TBCEL: variants seen among roughly 807,000 people sequenced by gnomAD.
The protein encoded by TBCEL is tubulin-specific chaperone cofactor E-like protein.
In TBCEL, 15 loss-of-function variants were observed where a neutral mutation model predicts 44.2. That is an observed-to-expected ratio of 0.34 (90% confidence interval 0.23 to 0.52). The LOEUF (loss-of-function observed/expected upper bound fraction) is 0.52, where lower values mean the gene tolerates loss of function less well. Ranked by LOEUF, TBCEL falls within the 20% of genes least tolerant of loss-of-function variation. The pLI is 0.95. For synonymous variants in TBCEL, 171 were observed against 185.4 expected, an observed-to-expected ratio of 0.92 and a Z score of 0.63; for missense variants, 319 against 506.3, an observed-to-expected ratio of 0.63 and a Z score of 3.55.
At chr11:121,079,600 A>G (rs545837930) in intron 8 of TBCEL, among the ~76,000 whole-genome samples, 176 of 152,298 alleles carry the variant, frequency 1.2e-3, no homozygotes, top group African/African-American at 4.2e-3. Context: ...TGTGATGCTT[A>G]TGTGTTTTAA....
At chr11:121,040,639 T>C (rs1405703844) in intron 2 of TBCEL, among the ~76,000 whole-genome samples, 2 of 152,118 alleles carry the variant, frequency 1.3e-5, no homozygotes, top group Non-Finnish European at 2.9e-5. Flanking sequence ...CCCAGTTTCT[T>C]CAAAATTAAT....
At chr11:121,041,402 ATAT>A (rs1287061485) in intron 2 of TBCEL, among the ~76,000 whole-genome samples, 3 of 152,138 alleles carry the variant, frequency 2.0e-5, no homozygotes, top group African/African-American at 7.2e-5. Context: ...TTACAAGAGT[ATAT>A]TATAGTCAGG....
chr11:121,038,652 T>C (rs375857594), intron 2 of TBCEL, among the ~76,000 whole-genome samples: 1 of 152,166 alleles, frequency 6.6e-6, no homozygotes, highest in Non-Finnish European at 1.5e-5. Context: ...TCTTTGAAGA[T>C]AGCTGGGAGA....
At chr11:121,025,461 T>A (rs1945029164) in intron 1 of TBCEL, among the ~76,000 whole-genome samples, 1 of 152,174 alleles carries the variant, frequency 6.6e-6, no homozygotes, top group Non-Finnish European at 1.5e-5. Flanking sequence ...TCAGATCTAG[T>A]ACATACGTAG....
At chr11:121,072,472 A>T (rs147362719) in intron 8 of TBCEL, among the ~76,000 whole-genome samples, 7 of 152,198 alleles carry the variant, frequency 4.6e-5, no homozygotes, top group African/African-American at 1.7e-4. Context: ...AAATAATATT[A>T]TACATAAAAT....
intron 8 of TBCEL, among the ~76,000 whole-genome samples, chr11:121,080,168 C>A (rs1027946599): frequency 6.6e-6 from 1 of 152,100 alleles, no homozygotes; most frequent in Admixed American, 6.5e-5. Flanking sequence ...ACCAAGTGAA[C>A]CATCTGGGAT....
At chr11:121,041,459 A>G (rs1280703527) in intron 2 of TBCEL, among the ~76,000 whole-genome samples, 1 of 152,196 alleles carries the variant, frequency 6.6e-6, no homozygotes, top group African/African-American at 2.4e-5. Flanking sequence ...GGGCCACTTC[A>G]CAACTTAGTA....
At chr11:121,046,813 A>G (rs1335993529) in intron 3 of TBCEL, among the ~76,000 whole-genome samples, 4 of 152,116 alleles carry the variant, frequency 2.6e-5, no homozygotes, top group African/African-American at 7.2e-5. Context: ...GCAGTAGTCA[A>G]AAAGTTGTTA....
intron 8 of TBCEL, among the ~76,000 whole-genome samples, chr11:121,064,951 G>A (rs573691114): frequency 1.5e-4 from 23 of 151,924 alleles, no homozygotes; most frequent in Admixed American, 7.2e-4. Context: ...TCAGCCTCCC[G>A]AGTAGCTGGG....
chr11:121,058,586 T>C (rs1945664160), intron 7 of TBCEL, 115 bp downstream of exon 7: 7 of 1,365,174 alleles, frequency 5.1e-6, no homozygotes, highest in Non-Finnish European at 6.1e-6. Flanking sequence ...TTGAGCAGAC[T>C]GTGCTTGAGG....
At chr11:121,067,478 A>T (rs1212298254) in intron 8 of TBCEL, among the ~76,000 whole-genome samples, 1 of 152,222 alleles carries the variant, frequency 6.6e-6, no homozygotes, top group African/African-American at 2.4e-5. Context: ...CTAGCTGCTT[A>T]TGGCAATAAT....
intron 8 of TBCEL, among the ~76,000 whole-genome samples, chr11:121,068,702 G>A (rs1487768375): frequency 6.6e-6 from 1 of 151,904 alleles, no homozygotes; most frequent in East Asian, 1.9e-4. Context: ...TGACCAACAT[G>A]GAGAGACCCT....
intron 8 of TBCEL, among the ~76,000 whole-genome samples, chr11:121,074,635 C>G (rs1946000693): frequency 6.6e-6 from 1 of 151,708 alleles, no homozygotes. Flanking sequence ...AGTGTACATT[C>G]CTGAATTTTG....
chr11:121,086,668 A>AT (rs1168298224), intron 8 of TBCEL, 110 bp from the exon 9 acceptor site: 4 of 832,754 alleles, frequency 4.8e-6, no homozygotes, highest in Non-Finnish European at 7.4e-6. Context: ...ATAGAATAAG[A>AT]TTTTTTAAAG....
At chr11:121,053,499 A>G (rs373423661) in intron 4 of TBCEL, 52 bp from the exon 5 acceptor site, 38 of 1,560,118 alleles carry the variant, frequency 2.4e-5, no homozygotes, top group Non-Finnish European at 3.2e-5. Flanking sequence ...CATGATTGCT[A>G]TTTAACAGCT....
rs746804907 is a variant in TBCEL at position 121,055,357 on chromosome 11, A to G, written c.712+49A>G. 1.2e-5 allele frequency: 18 copies of G among 1,466,324 alleles called. 1 individual carries two copies. The South Asian group carries it at 2.0e-4, about 17-fold the overall frequency. 90.8% of individuals were successfully genotyped at this position (1,466,324 alleles called of 1,614,324 possible). A position where few individuals can be genotyped will look rare whatever the true frequency, so the allele number is the denominator to read the frequency against. ...TCTACATGCAAATTAACCTGAGCATATGCATGAAATACAATGAAAGTATAT... is the reference window on the plus strand; with the variant it reads ...TCTACATGCAAATTAACCTGAGCATGTGCATGAAATACAATGAAAGTATAT... On this transcript the variant is annotated intron_variant, in intron 6 of 8. Coordinates refer to ENST00000683345, the MANE Select transcript of TBCEL (RefSeq NM_001363644.2).
intron 1 of TBCEL, among the ~76,000 whole-genome samples, chr11:121,028,183 A>G (rs1192952783): frequency 6.6e-6 from 1 of 152,078 alleles, no homozygotes; most frequent in Non-Finnish European, 1.5e-5. Flanking sequence ...AGCCTGGGCA[A>G]GAAGAGTGAG....
At chr11:121,071,212 C>T (rs541292160) in intron 8 of TBCEL, among the ~76,000 whole-genome samples, 8 of 152,252 alleles carry the variant, frequency 5.3e-5, no homozygotes, top group African/African-American at 1.4e-4. Context: ...CTTTCTCTCT[C>T]CATTTCCTCT....
At chr11:121,072,098 G>A (rs1945945293) in intron 8 of TBCEL, among the ~76,000 whole-genome samples, 1 of 152,162 alleles carries the variant, frequency 6.6e-6, no homozygotes, top group South Asian at 2.1e-4. Context: ...GTTGCTTACA[G>A]CCTTTGTCAT....
Sources: allele counts gnomAD v4.1 joint callset (sites outside exome capture counted in the v4.1 genomes callset), GRCh38; gene constraint gnomAD v4.1.1; transcripts MANE v1.5; gene names NCBI Gene and HGNC (gene_info 2026-07-23, HGNC 2026-07-21).